The following CBLC variants were observed in gnomAD, a reference collection of about 807,000 sequenced individuals.
The protein encoded by CBLC is Cbl proto-oncogene C.
Under a neutral mutation model 58.6 loss-of-function variants are expected in CBLC, and 46 were observed. That is an observed-to-expected ratio of 0.79 (90% CI 0.62 to 1.00). The LOEUF is 1.00. Among genes scored for constraint, CBLC ranks in the 50% least tolerant of loss-of-function variants. The pLI, the probability that CBLC is intolerant of heterozygous loss-of-function variation, is 0.00. For synonymous variants in CBLC, 271 were observed against 264.2 expected, an observed-to-expected ratio of 1.03 and a Z score of -0.25; for missense variants, 655 against 625.8, an observed-to-expected ratio of 1.05 and a Z score of -0.50.
At chr19:44,783,341 T>A (rs542581388) in intron 4 of CBLC, among the ~76,000 whole-genome samples, 6 of 152,252 alleles carry the variant, frequency 3.9e-5, no homozygotes, top group Admixed American at 3.9e-4. Context: ...ACCCCATCTC[T>A]ACTAAAAATA....
chr19:44,792,220 C>T (rs182011331), intron 6 of CBLC, among the ~76,000 whole-genome samples, 163 bp from the exon 7 acceptor site: 72 of 152,092 alleles, frequency 4.7e-4, no homozygotes, highest in Non-Finnish European at 8.8e-4. Flanking sequence ...TCTCGAACTC[C>T]TGACCTCAGA....
chr19:44,778,322 G>C, intron 1 of CBLC, 38 bp downstream of exon 1: 2 of 1,381,428 alleles, frequency 1.4e-6, no homozygotes, highest in Non-Finnish European at 1.9e-6. Flanking sequence ...TCTGGGGTGA[G>C]GCCCAGGTCT....
intron 1 of CBLC, among the ~76,000 whole-genome samples, chr19:44,779,650 C>T (rs1967669089): frequency 2.0e-5 from 3 of 151,404 alleles, no homozygotes; most frequent in African/African-American, 4.9e-5. Context: ...CTCCTGGGCT[C>T]AAGTGATCCT....
intron 5 of CBLC, among the ~76,000 whole-genome samples, chr19:44,785,637 AT>A (rs532159820): frequency 6.6e-6 from 1 of 151,302 alleles, no homozygotes; most frequent in Non-Finnish European, 1.5e-5. Flanking sequence ...TTAATATATA[AT>A]TTTTTTAACA....
Position 44,782,506 on chromosome 19 carries a change from G to T in CBLC, c.779+15G>T, listed in dbSNP as rs1967777981. ...AAGCCAGGCAGGTAAAGGGTCCAGG[G>T]CTCAGCAGAACAAGGCTGCAGGGCT... On this transcript the variant is annotated intron_variant, in intron 4 of 10. Transcript: ENST00000647358. The T allele has an allele frequency of 6.2e-7, 1 of 1,610,162 alleles. No individual in the cohort carries two copies. The highest frequency in any genetic ancestry group is 2.2e-5 in the East Asian group (1 of 44,832).
chr19:44,780,898 C>G lies in CBLC; in HGVS notation c.354-7C>G. On this transcript the variant is annotated splice_polypyrimidine_tract_variant and splice_region_variant and intron_variant, in intron 1 of 10. Transcript: ENST00000647358. ...AGGATAGCCAGAGTCCTTGCCCATC[C>G]CCACAGGCGACAGCTGGCCAAGCTG... 3 of 1,610,610 alleles carry G rather than the reference C, an allele frequency of 1.9e-6. No homozygotes were observed.
intron 7 of CBLC, among the ~76,000 whole-genome samples, chr19:44,793,032 A>G (rs980898471): frequency 2.0e-5 from 3 of 152,176 alleles, no homozygotes; most frequent in African/African-American, 7.2e-5. Flanking sequence ...GGGGCCTGTA[A>G]TCCCAGCTGC....
Position 44,782,473 on chromosome 19 carries a change from G to A in CBLC, c.761G>A (p.Cys254Tyr). ...GAGGTCCAAGAGCGTCTGCAGGCCT[G>A]CAGGGACAAGCCAGGCAGGTAAAGG... The part of the protein sequence containing the change: ...YDEVQERLQA[C>Y]RDKPGSYIFR... Residue 254 changes from cysteine (C) to tyrosine (Y), a missense_variant, in exon 4 of 11, where the codon TGC (cysteine) becomes TAC (tyrosine). Transcript: ENST00000647358. The A allele has an allele frequency of 1.2e-6, 2 of 1,613,618 alleles. No individual in the cohort carries two copies. Among genetic ancestry groups the A allele is most frequent in the Non-Finnish European group, 1.7e-6 (2 of 1,179,696 alleles).
At chr19:44,790,566 C>T (rs1297093138) in intron 6 of CBLC, among the ~76,000 whole-genome samples, 2 of 151,984 alleles carry the variant, frequency 1.3e-5, no homozygotes, top group African/African-American at 2.4e-5. Flanking sequence ...TCCCGAGCAG[C>T]CAGGAGTACA....
chr19:44,778,088 C>T lies in CBLC; in HGVS notation c.157C>T (p.Gln53Ter). 1 of 1,607,336 alleles carries T rather than the reference C, an allele frequency of 6.2e-7. No individual in the cohort carries two copies. The highest frequency in any genetic ancestry group is 8.5e-7 in the Non-Finnish European group (1 of 1,179,206). Residue 53 changes from glutamine (Q) to a stop codon, truncating the protein, a stop_gained, in exon 1 of 11, where the codon CAG becomes TAG. Transcript: ENST00000647358. LOFTEE classifies it high-confidence loss of function. Reference sequence around the variant, plus strand: ...GCGGGACCTGCTGCCCCGCACAGCGCAGCTGCTTCGAGAGGTGGCCCATTC... The same window carrying T: ...GCGGGACCTGCTGCCCCGCACAGCGTAGCTGCTTCGAGAGGTGGCCCATTC... ...SLRDLLPRTA[Q>*]LLREVAHSRR...
chr19:44,789,735 C>T (rs898124237), intron 5 of CBLC, among the ~76,000 whole-genome samples: 11 of 152,176 alleles, frequency 7.2e-5, no homozygotes, highest in African/African-American at 2.7e-4. Flanking sequence ...TAGTCTATCT[C>T]ATCCTTGTTT....
At chr19:44,781,075 T>TC (rs767685481) in intron 2 of CBLC, 24 bp downstream of exon 2, 1 of 1,604,232 alleles carries the variant, frequency 6.2e-7, no homozygotes, top group African/African-American at 1.3e-5. Flanking sequence ...TGTCCTCAGC[T>TC]CCCGGAGCCC....
intron 9 of CBLC, among the ~76,000 whole-genome samples, chr19:44,794,905 T>G (rs545589689): frequency 8.0e-4 from 122 of 151,758 alleles, no homozygotes; most frequent in African/African-American, 2.8e-3. Flanking sequence ...CTGACCACTC[T>G]GTTCAAGATA....
intron 9 of CBLC, among the ~76,000 whole-genome samples, chr19:44,796,799 G>C (rs2927444): frequency 6.6e-6 from 1 of 151,936 alleles, no homozygotes; most frequent in African/African-American, 2.4e-5. Context: ...ATCTCCGGCT[G>C]AGTACACACA....
intron 9 of CBLC, among the ~76,000 whole-genome samples, chr19:44,795,294 C>T (rs1599873797): frequency 6.6e-6 from 1 of 151,712 alleles, no homozygotes; most frequent in East Asian, 2.0e-4. Flanking sequence ...GGCAGGAGGA[C>T]GGCTTGAGCC....
chr19:44,794,151 G>T, intron 8 of CBLC, 53 bp from the exon 9 acceptor site: 1 of 1,570,362 alleles, frequency 6.4e-7, no homozygotes, highest in Non-Finnish European at 8.6e-7. Context: ...ACATGGAGGC[G>T]AGAAGAAAAT....
At chr19:44,777,887 C>G (rs776435797), upstream of CBLC, 7 of 1,466,338 alleles carry the variant, frequency 4.8e-6, no homozygotes, top group East Asian at 2.6e-5. Flanking sequence ...CGAGGCCGCC[C>G]CTATCCCAGC....
intron 4 of CBLC, among the ~76,000 whole-genome samples, chr19:44,783,882 T>C (rs1156400261): frequency 1.3e-5 from 2 of 152,154 alleles, no homozygotes; most frequent in African/African-American, 4.8e-5. Context: ...TACCCTACCT[T>C]CTTAGCAACC....
Position 44,778,269 on chromosome 19 carries a change from C to T in CBLC, c.338C>T (p.Ala113Val). 2.8e-6 allele frequency: 4 copies of T among 1,439,742 alleles called. No individual in the cohort carries two copies. The South Asian group carries it at 5.9e-5, about 21-fold the overall frequency. The allele number at this position is 1,439,742 out of a possible 1,614,324, so 89.2% of individuals were successfully genotyped here. A position where few individuals can be genotyped will look rare whatever the true frequency, so the allele number is the denominator to read the frequency against. The change falls in exon 1 of 11, where the codon GCG becomes GTG. Residue 113 changes from alanine (A) to valine (V), a missense_variant. Physicochemically the swap from Ala to Val is moderately conservative, Grantham distance 64. Around this residue, in one of 3 missense-constraint regions of CBLC, gnomAD observed 280 missense variants for 237.2 expected, o/e 1.18. Coordinates refer to ENST00000647358, the MANE Select transcript of CBLC (RefSeq NM_012116.4). ...AGTGCCAACGACGAGCTCTTCCGGGCGGGCTCCAGACTCAGGTGAGCCTTC... is the reference window on the plus strand; with the variant it reads ...AGTGCCAACGACGAGCTCTTCCGGGTGGGCTCCAGACTCAGGTGAGCCTTC... ...RRSANDELFR[A>V]GSRLRRQLAK...
Sources: gnomAD v4.1 joint callset for allele counts (sites outside exome capture counted in the v4.1 genomes callset) on GRCh38, gnomAD v4.1.1 for gene constraint, gnomAD v4.1.1 regional missense constraint, MANE v1.5 for transcripts, NCBI Gene and HGNC (gene_info 2026-07-23, HGNC 2026-07-21) for gene names.